KHDRBS2: variants seen among roughly 807,000 people sequenced by gnomAD.
KHDRBS2 encodes the protein KH domain-containing, RNA-binding, signal transduction-associated protein 2.
In KHDRBS2, 26 loss-of-function variants were observed where a neutral mutation model predicts 44.3. That is an observed-to-expected ratio of 0.59 (90% CI 0.43 to 0.81). The LOEUF (loss-of-function observed/expected upper bound fraction) is 0.81. Ranked by LOEUF, KHDRBS2 falls within the 40% of genes least tolerant of loss-of-function variation. The pLI, the probability that KHDRBS2 is intolerant of heterozygous loss-of-function variation, is 0.00. For missense variants in KHDRBS2, 476 were observed against 433.1 expected (o/e 1.10, Z -0.88); for synonymous variants, 194 against 151.1 (o/e 1.28, Z -2.08).
At chr6:61,838,005 A>AT (rs2127268765) in intron 6 of KHDRBS2, among the ~76,000 whole-genome samples, 1 of 152,182 alleles carries the variant, frequency 6.6e-6, no homozygotes, top group South Asian at 2.1e-4. Flanking sequence ...GTCAGAAAGA[A>AT]TCTAAACACA....
At chr6:62,108,540 G>C (rs891695867) in intron 2 of KHDRBS2, among the ~76,000 whole-genome samples, 23 of 152,092 alleles carry the variant, frequency 1.5e-4, no homozygotes, top group African/African-American at 4.3e-4. Flanking sequence ...TCAGTGTGGC[G>C]ATTCCTCAGG....
intron 6 of KHDRBS2, among the ~76,000 whole-genome samples, chr6:61,773,293 C>A (rs1281247144): frequency 6.6e-6 from 1 of 152,176 alleles, no homozygotes; most frequent in African/African-American, 2.4e-5. Context: ...CACATCCTCT[C>A]CAGCACCTGT....
intron 2 of KHDRBS2, among the ~76,000 whole-genome samples, chr6:62,108,847 C>T (rs1804244497): frequency 6.6e-6 from 1 of 151,950 alleles, no homozygotes; most frequent in Non-Finnish European, 1.5e-5. Context: ...ATCGCAAGGA[C>T]AAAAAACCAA....
chr6:61,697,859 C>G (rs1205484565), intron 7 of KHDRBS2, among the ~76,000 whole-genome samples: 2 of 152,120 alleles, frequency 1.3e-5, no homozygotes, highest in Non-Finnish European at 2.9e-5. Context: ...TACAATTGTC[C>G]TCACTGTTTC....
At chr6:62,218,291 T>C (rs898442533) in intron 1 of KHDRBS2, among the ~76,000 whole-genome samples, 1 of 151,926 alleles carries the variant, frequency 6.6e-6, no homozygotes, top group South Asian at 2.1e-4. Flanking sequence ...ATCTCCAATG[T>C]TCTGGGTATC....
At chr6:61,781,986 G>C (rs1026396680) in intron 6 of KHDRBS2, among the ~76,000 whole-genome samples, 5 of 152,148 alleles carry the variant, frequency 3.3e-5, no homozygotes, top group African/African-American at 1.2e-4. Context: ...CACCTTTGAG[G>C]AACTCCAGGT....
chr6:61,966,916 T>G (rs1433145344), intron 4 of KHDRBS2, among the ~76,000 whole-genome samples: 3 of 151,888 alleles, frequency 2.0e-5, no homozygotes, highest in Non-Finnish European at 4.4e-5. Context: ...TTTATAATCC[T>G]AAAAATGAGC....
chr6:61,642,063 C>A, the KHDRBS2 span, among the ~76,000 whole-genome samples: 4 of 152,032 alleles, frequency 2.6e-5, no homozygotes, highest in Admixed American at 6.6e-5. Context: ...AACATGTCTA[C>A]GGAGCTCTAG....
At chr6:61,974,373 G>T (rs949903293) in intron 4 of KHDRBS2, among the ~76,000 whole-genome samples, 3 of 151,512 alleles carry the variant, frequency 2.0e-5, no homozygotes, top group African/African-American at 7.3e-5. Flanking sequence ...TACAATAGTG[G>T]CAATACTTGC....
chr6:61,983,772 A>C (rs575582452), intron 3 of KHDRBS2, among the ~76,000 whole-genome samples: 1 of 152,310 alleles, frequency 6.6e-6, no homozygotes, highest in Admixed American at 6.5e-5. Context: ...AAACAAGAAT[A>C]ATTTTCCTTT....
At chr6:61,981,695 T>G (rs1034187525) in intron 3 of KHDRBS2, among the ~76,000 whole-genome samples, 6 of 152,166 alleles carry the variant, frequency 3.9e-5, no homozygotes, top group Non-Finnish European at 7.3e-5. Context: ...CAAACCAACT[T>G]AGATTTTTCA....
chr6:61,916,965 ATTTTTTTTTTTTT>A (rs10700035), intron 4 of KHDRBS2, among the ~76,000 whole-genome samples: 1 of 90,636 alleles, frequency 1.1e-5, no homozygotes, highest in Non-Finnish European at 2.1e-5. Context: ...GGAACTCTGT[ATTTTTTTTTTTTT>A]TTTTTTTTTT....
the KHDRBS2 span, among the ~76,000 whole-genome samples, chr6:61,617,096 TTAAG>T: frequency 3.3e-5 from 5 of 152,132 alleles, no homozygotes; most frequent in Non-Finnish European, 7.4e-5. Context: ...TGCAAAGCAA[TTAAG>T]TATTTTCACC....
the KHDRBS2 span, among the ~76,000 whole-genome samples, chr6:61,589,466 G>T: frequency 6.6e-6 from 1 of 152,010 alleles, no homozygotes; most frequent in Non-Finnish European, 1.5e-5. Flanking sequence ...TTTAAATAAG[G>T]TTTTTTTATT....
the KHDRBS2 span, among the ~76,000 whole-genome samples, chr6:61,628,377 C>G: frequency 6.6e-6 from 1 of 151,934 alleles, no homozygotes; most frequent in Admixed American, 6.6e-5. Flanking sequence ...AGCTAGTACC[C>G]ACTGCAACAT....
At chr6:61,600,514 C>T in the KHDRBS2 span, among the ~76,000 whole-genome samples, 1 of 152,180 alleles carries the variant, frequency 6.6e-6, no homozygotes, top group East Asian at 1.9e-4. Flanking sequence ...AAAACAGCCA[C>T]ACCCCTATCT....
chr6:61,892,643 C>T (rs9453376), intron 6 of KHDRBS2, among the ~76,000 whole-genome samples: 61,935 of 151,836 alleles, frequency 0.41, 12,830 homozygotes, highest in Admixed American at 0.49. Flanking sequence ...GAAAAACAAG[C>T]AATGGGGAAA....
At chr6:61,816,637 A>G (rs1478708761) in intron 6 of KHDRBS2, 1 of 451,082 alleles carries the variant, frequency 2.2e-6, no homozygotes, top group African/African-American at 2.0e-5. Flanking sequence ...CGTTATCACA[A>G]TGCTATGAAA....
At chr6:61,838,622 G>T (rs999198040) in intron 6 of KHDRBS2, among the ~76,000 whole-genome samples, 1 of 151,934 alleles carries the variant, frequency 6.6e-6, no homozygotes, top group African/African-American at 2.4e-5. Flanking sequence ...CTAGAGCTCA[G>T]AAGGAATCTG....
Sources: gnomAD v4.1 joint callset for allele counts (sites outside exome capture counted in the v4.1 genomes callset) on GRCh38, gnomAD v4.1.1 for gene constraint, MANE v1.5 for transcripts, NCBI Gene and HGNC (gene_info 2026-07-23, HGNC 2026-07-21) for gene names.